EYS: variants seen among roughly 807,000 people sequenced by gnomAD.
EYS encodes the protein protein eyes shut homolog.
Under a neutral mutation model 282.1 loss-of-function variants are expected in EYS, and 250 were observed. The ratio of observed to expected loss-of-function variants is 0.89; its 90% CI spans 0.80 to 0.98. EYS has a LOEUF of 0.98. Among genes scored for constraint, EYS ranks in the 50% least tolerant of loss-of-function variants. The pLI, the probability that EYS is intolerant of heterozygous loss-of-function variation, is 0.00. For missense variants in EYS, 4,016 were observed against 3,709.0 expected, an observed-to-expected ratio of 1.08 and a Z score of -2.15; for synonymous variants, 1,355 against 1,282.9, an observed-to-expected ratio of 1.06 and a Z score of -1.20.
intron 12 of EYS, among the ~76,000 whole-genome samples, chr6:65,108,446 T>C (rs906695565): frequency 6.6e-6 from 1 of 152,080 alleles, no homozygotes; most frequent in African/African-American, 2.4e-5. Flanking sequence ...TAAAGGCATG[T>C]GCCACCACAC....
chr6:64,593,214 T>A lies in EYS; in HGVS notation c.3780A>T (p.Thr1260=). 4 of 1,550,788 alleles carry A rather than the reference T, an allele frequency of 2.6e-6. No homozygotes were observed. The highest frequency in any genetic ancestry group is 3.5e-6 in the Non-Finnish European group (4 of 1,146,468). ...FQRTDPISTQ[T]YTIPPSETLV... is the part of the protein sequence containing the mutation. ...AAGTCTCAGAAGGGGGAATTGTATA[T>A]GTCTGTGTGGAAATGGGATCTGTTC... Residue 1260 remains threonine, a synonymous_variant, in exon 25 of 43, where the codon ACA becomes ACT. Transcript: ENST00000503581.
At chr6:64,508,059 A>T (rs1048622082) in intron 26 of EYS, among the ~76,000 whole-genome samples, 1 of 152,168 alleles carries the variant, frequency 6.6e-6, no homozygotes, top group Non-Finnish European at 1.5e-5. Flanking sequence ...GACATTGTGA[A>T]TGTTTGCATA....
intron 2 of EYS, among the ~76,000 whole-genome samples, chr6:65,513,348 T>C (rs1193364486): frequency 6.6e-6 from 1 of 152,120 alleles, no homozygotes; most frequent in Non-Finnish European, 1.5e-5. Context: ...CACAGCTGAA[T>C]TCTACCAGAG....
chr6:64,141,523 T>G (rs2150288332), intron 31 of EYS, among the ~76,000 whole-genome samples: 1 of 152,268 alleles, frequency 6.6e-6, no homozygotes, highest in African/African-American at 2.4e-5. Flanking sequence ...TTTTTATTTT[T>G]TTGCCAATGA....
At chr6:65,200,218 T>C (rs1765866781) in intron 12 of EYS, among the ~76,000 whole-genome samples, 1 of 148,052 alleles carries the variant, frequency 6.8e-6, no homozygotes, top group South Asian at 2.1e-4. Flanking sequence ...TGAATTGTGG[T>C]GTTCCTCAAA....
At chr6:64,206,522 T>C (rs1265308672) in intron 31 of EYS, among the ~76,000 whole-genome samples, 1 of 152,228 alleles carries the variant, frequency 6.6e-6, no homozygotes, top group Non-Finnish European at 1.5e-5. Flanking sequence ...TTCTGTGACT[T>C]TTGTCATATT....
At chr6:65,118,774 C>T (rs936990596) in intron 12 of EYS, among the ~76,000 whole-genome samples, 1 of 151,768 alleles carries the variant, frequency 6.6e-6, no homozygotes, top group African/African-American at 2.4e-5. Context: ...ACCATGCCTG[C>T]TTTGTGACAA....
At chr6:64,454,588 T>C (rs904143086) in intron 26 of EYS, among the ~76,000 whole-genome samples, 1 of 152,136 alleles carries the variant, frequency 6.6e-6, no homozygotes, top group Non-Finnish European at 1.5e-5. Flanking sequence ...GGGTTCTGTA[T>C]CTCCAACAAA....
intron 2 of EYS, among the ~76,000 whole-genome samples, chr6:65,511,646 G>A (rs183718253): frequency 6.6e-6 from 1 of 151,966 alleles, no homozygotes; most frequent in Admixed American, 6.6e-5. Flanking sequence ...TAGCAAAATT[G>A]ATGTCAAAAA....
intron 1 of EYS, among the ~76,000 whole-genome samples, chr6:65,644,313 A>C (rs1052959496): frequency 6.6e-6 from 1 of 152,218 alleles, no homozygotes; most frequent in East Asian, 1.9e-4. Flanking sequence ...AAGCAAAAGA[A>C]AGAACTTCAG....
intron 2 of EYS, among the ~76,000 whole-genome samples, chr6:65,620,404 C>T (rs886841460): frequency 7.3e-5 from 11 of 151,334 alleles, no homozygotes; most frequent in South Asian, 2.1e-4. Flanking sequence ...GGTGATATCC[C>T]GTTTATCATT....
At chr6:64,272,183 G>A (rs7751040) in intron 30 of EYS, among the ~76,000 whole-genome samples, 104,347 of 152,062 alleles carry the variant, frequency 0.69, 35,839 homozygotes, top group South Asian at 0.71. Flanking sequence ...TGCACATGAG[G>A]TGGGTCTCCT....
rs997439222 is a variant in EYS, at chr6:65,443,287, C to G, written c.863-37920G>C. ...GCAAACATATAGACATGTATGCATG[C>G]ATATATGCATACATGTGTGTACACA... On this transcript the variant is annotated intron_variant, in intron 5 of 42. Transcript: ENST00000503581. Among the ~76,000 whole-genome samples, 11 of 147,468 alleles carry G rather than the reference C, an allele frequency of 7.5e-5. 2 individuals carry two copies. Among genetic ancestry groups the G allele is most frequent in the Non-Finnish European group, 1.7e-4 (11 of 65,718 alleles).
intron 22 of EYS, among the ~76,000 whole-genome samples, chr6:64,703,801 C>T (rs1010901607): frequency 2.0e-5 from 3 of 151,940 alleles, no homozygotes; most frequent in Admixed American, 2.0e-4. Context: ...AAAATAGTAA[C>T]ATATTTTAAG....
At position 65,196,082 on chromosome 6, in the gene EYS, G is replaced by A. The variant is rs145426701; in HGVS notation, c.2023+99781C>T. 3.5e-3 allele frequency among the ~76,000 whole-genome samples: 525 copies of A among 152,020 alleles called. 4 individuals are homozygous for A. Among genetic ancestry groups the A allele is most frequent in the African/African-American group, 0.012 (484 of 41,478 alleles). On this transcript the variant is annotated intron_variant, in intron 12 of 42. Transcript: ENST00000503581. Reference sequence around the variant, plus strand: ...ATTTGCTAAACATACTATCTACAAGGCAATAAAACAAGTTATCCCATTTAT... The same window carrying A: ...ATTTGCTAAACATACTATCTACAAGACAATAAAACAAGTTATCCCATTTAT...
chr6:64,906,677 G>T (rs1177412375), intron 16 of EYS, among the ~76,000 whole-genome samples: 5 of 152,170 alleles, frequency 3.3e-5, no homozygotes, highest in African/African-American at 4.8e-5. Flanking sequence ...TCTCACTGCA[G>T]CTCCTTGTGA....
chr6:64,564,574 C>A (rs1205472383), intron 26 of EYS, among the ~76,000 whole-genome samples: 2 of 152,198 alleles, frequency 1.3e-5, no homozygotes, highest in East Asian at 3.9e-4. Flanking sequence ...AGCCACCATG[C>A]CCAGCCTTTT....
At chr6:63,900,857 C>A (rs147288263) in intron 35 of EYS, among the ~76,000 whole-genome samples, 108 of 152,154 alleles carry the variant, frequency 7.1e-4, no homozygotes, top group African/African-American at 2.5e-3. Flanking sequence ...CTGGAGGAGA[C>A]AGACGTCATA....
chr6:64,757,724 AATTTTTTTTC>A (rs1772992655), intron 22 of EYS, among the ~76,000 whole-genome samples: 1 of 135,866 alleles, frequency 7.4e-6, no homozygotes, highest in Non-Finnish European at 1.6e-5. Flanking sequence ...ACAAAAGATT[AATTTTTTTTC>A]TTTTTTTCTT....
Sources: allele counts gnomAD v4.1 joint callset (sites outside exome capture counted in the v4.1 genomes callset), GRCh38; gene constraint gnomAD v4.1.1; transcripts MANE v1.5; gene names NCBI Gene and HGNC (gene_info 2026-07-23, HGNC 2026-07-21).